Variants in PDE4D observed in about 807,000 individuals in gnomAD.
The protein encoded by PDE4D is phosphodiesterase 4D, also known as 3',5'-cyclic-AMP phosphodiesterase 4D.
Under a neutral mutation model 87.4 loss-of-function variants are expected in PDE4D, and 24 were observed. The ratio of observed to expected loss-of-function variants is 0.27; its 90% CI spans 0.20 to 0.39. PDE4D has a LOEUF of 0.39. Among genes scored for constraint, PDE4D ranks in the 10% least tolerant of loss-of-function variants. PDE4D has a pLI of 1.00. For missense variants in PDE4D, 714 were observed against 1,041.0 expected, an observed-to-expected ratio of 0.69 and a Z score of 4.32; for synonymous variants, 384 against 383.2, an observed-to-expected ratio of 1.00 and a Z score of -0.02.
chr5:59,847,337 T>G (rs554515462), intron 1 of PDE4D, among the ~76,000 whole-genome samples: 1 of 152,144 alleles, frequency 6.6e-6, no homozygotes, highest in Admixed American at 6.5e-5. Context: ...ATCTACAATA[T>G]TTTAAAATGC....
chr5:60,231,595 G>A (rs951683717), intron 1 of PDE4D, among the ~76,000 whole-genome samples: 4 of 151,860 alleles, frequency 2.6e-5, no homozygotes, highest in African/African-American at 9.7e-5. Flanking sequence ...AAAAATCCAT[G>A]CCTTGAACAA....
chr5:60,372,937 G>A (rs1761152848), intron 1 of PDE4D, among the ~76,000 whole-genome samples: 1 of 152,200 alleles, frequency 6.6e-6, no homozygotes, highest in African/African-American at 2.4e-5. Flanking sequence ...TAGAGGCAGT[G>A]AGATGGAAAA....
intron 5 of PDE4D, among the ~76,000 whole-genome samples, chr5:59,070,364 G>T (rs1764582682): frequency 6.6e-6 from 1 of 152,004 alleles, no homozygotes; most frequent in South Asian, 2.1e-4. Context: ...ATACATACAT[G>T]TATCTTCCAC....
intron 1 of PDE4D, among the ~76,000 whole-genome samples, chr5:59,258,002 T>C (rs1484668641): frequency 6.6e-6 from 1 of 151,952 alleles, no homozygotes; most frequent in Non-Finnish European, 1.5e-5. Context: ...CATTTCACGT[T>C]GTCCAACTTT....
At chr5:59,267,242 A>G (rs569870895) in intron 1 of PDE4D, among the ~76,000 whole-genome samples, 25 of 152,180 alleles carry the variant, frequency 1.6e-4, no homozygotes, top group Non-Finnish European at 3.5e-4. Flanking sequence ...ACAGTAATTT[A>G]TCCTGACTAA....
chr5:59,142,529 C>T (rs1778037358), intron 5 of PDE4D, among the ~76,000 whole-genome samples: 1 of 152,218 alleles, frequency 6.6e-6, no homozygotes, highest in South Asian at 2.1e-4. Context: ...TATTGATTGG[C>T]TTGACTTCTT....
intron 5 of PDE4D, among the ~76,000 whole-genome samples, chr5:59,072,865 T>C (rs569369346): frequency 6.6e-6 from 1 of 152,356 alleles, no homozygotes; most frequent in African/African-American, 2.4e-5. Context: ...GTATTAGCCA[T>C]TGACCTGCAA....
At chr5:59,012,227 G>A (rs1246691738) in intron 6 of PDE4D, among the ~76,000 whole-genome samples, 6 of 152,254 alleles carry the variant, frequency 3.9e-5, no homozygotes, top group African/African-American at 1.4e-4. Context: ...ATCAAGGCTA[G>A]GAAGAAACTG....
chr5:59,488,849 G>A (rs1267643450), intron 1 of PDE4D, among the ~76,000 whole-genome samples: 1 of 151,970 alleles, frequency 6.6e-6, no homozygotes, highest in Admixed American at 6.6e-5. Flanking sequence ...AAAATTTTAG[G>A]GAGAGTGGGA....
At chr5:60,468,147 T>TTTTTTTTTTTTTTG in intron 1 of PDE4D, among the ~76,000 whole-genome samples, 1 of 149,894 alleles carries the variant, frequency 6.7e-6, no homozygotes, top group African/African-American at 2.5e-5. Context: ...CTTTTTTTTT[T>TTTTTTTTTTTTTTG]GTTTTTTTTG....
intron 1 of PDE4D, among the ~76,000 whole-genome samples, chr5:59,641,895 T>A (rs964295878): frequency 1.3e-5 from 2 of 152,196 alleles, no homozygotes; most frequent in Non-Finnish European, 2.9e-5. Context: ...TGTACATTAT[T>A]TTTGATGTAG....
intron 1 of PDE4D, among the ~76,000 whole-genome samples, chr5:59,258,682 A>G (rs1761425690): frequency 6.7e-6 from 1 of 148,484 alleles, no homozygotes; most frequent in Non-Finnish European, 1.5e-5. Context: ...TATATATCAT[A>G]TAGATAACAT....
At chr5:59,827,496 C>T (rs948986457) in intron 1 of PDE4D, among the ~76,000 whole-genome samples, 1 of 152,168 alleles carries the variant, frequency 6.6e-6, no homozygotes, top group Admixed American at 6.5e-5. Flanking sequence ...TTCAACTGCA[C>T]ATCTTGCTGA....
intron 1 of PDE4D, among the ~76,000 whole-genome samples, chr5:59,272,788 A>T (rs1269782161): frequency 6.6e-6 from 1 of 152,158 alleles, no homozygotes; most frequent in Non-Finnish European, 1.5e-5. Flanking sequence ...CAAGTTTGCC[A>T]TGAAATCCCA....
At chr5:60,213,519 C>T (rs551577323) in intron 1 of PDE4D, among the ~76,000 whole-genome samples, 2 of 152,316 alleles carry the variant, frequency 1.3e-5, no homozygotes, top group East Asian at 1.9e-4. Flanking sequence ...TTTCTGGAAG[C>T]CTACCTCTTC....
At chr5:60,075,169 T>C (rs1459765182) in intron 2 of PDE4D, among the ~76,000 whole-genome samples, 1 of 152,194 alleles carries the variant, frequency 6.6e-6, no homozygotes, top group Non-Finnish European at 1.5e-5. Flanking sequence ...TTTTCATATT[T>C]AGTGCTTCTT....
At chr5:60,183,955 T>C (rs544020405) in intron 2 of PDE4D, among the ~76,000 whole-genome samples, 1 of 152,198 alleles carries the variant, frequency 6.6e-6, no homozygotes, top group African/African-American at 2.4e-5. Flanking sequence ...TTTATGCCAG[T>C]GGATTCTCAA....
In PDE4D at chr5:60,465,765, C is replaced by T. The variant is rs573903719; in HGVS notation, c.-90+22177G>A. Among the ~76,000 whole-genome samples, 200 of 152,058 alleles carry T rather than the reference C, an allele frequency of 1.3e-3. 1 individual carries two copies. Among genetic ancestry groups the T allele is most frequent in the African/African-American group, 4.5e-3 (188 of 41,466 alleles). On this transcript the variant is annotated intron_variant, in intron 1 of 16. Transcript: ENST00000502484. ...AAGAATCATAGCTTAGCCTAGCCTA[C>T]CTAAACATGCTCCAAACTCACATTA...
chr5:60,136,236 T>A (rs1289577988), intron 2 of PDE4D, among the ~76,000 whole-genome samples: 1 of 152,214 alleles, frequency 6.6e-6, no homozygotes, highest in Non-Finnish European at 1.5e-5. Flanking sequence ...TACTGCTTTT[T>A]AAAATTTTTT....
Sources: gnomAD v4.1 joint callset for allele counts (sites outside exome capture counted in the v4.1 genomes callset) on GRCh38, gnomAD v4.1.1 for gene constraint, MANE v1.5 for transcripts, NCBI Gene and HGNC (gene_info 2026-07-23, HGNC 2026-07-21) for gene names.